SYT2: variants seen among roughly 807,000 people sequenced by gnomAD.
SYT2 encodes synaptotagmin-2.
SYT2 carries 15 observed loss-of-function variants against 39.9 expected under a neutral mutation model. That is an observed-to-expected ratio of 0.38 (90% confidence interval 0.25 to 0.58). The LOEUF is 0.58. SYT2 is among the 20% of genes least tolerant of loss of function. The pLI is 0.70. For missense variants in SYT2, 389 were observed against 530.3 expected (o/e 0.73, Z 2.62); for synonymous variants, 181 against 204.5 (o/e 0.89, Z 0.98).
chr1:202,662,110 C>A (rs996560208), intron 1 of SYT2, among the ~76,000 whole-genome samples: 1 of 152,136 alleles, frequency 6.6e-6, no homozygotes, highest in African/African-American at 2.4e-5. Context: ...GCCACGGGAC[C>A]CTCTGAGCAG....
chr1:202,637,981 T>A (rs1691788349), intron 1 of SYT2, among the ~76,000 whole-genome samples: 1 of 152,236 alleles, frequency 6.6e-6, no homozygotes, highest in Non-Finnish European at 1.5e-5. Context: ...TCCCAAGGTT[T>A]TCCACCTAGC....
chr1:202,600,256 G>T, intron 7 of SYT2, 101 bp downstream of exon 7: 2 of 950,008 alleles, frequency 2.1e-6, no homozygotes, highest in Non-Finnish European at 1.7e-6. Flanking sequence ...CAGTCCCAGG[G>T]CAGCAAAGTG....
intron 1 of SYT2, among the ~76,000 whole-genome samples, chr1:202,644,588 C>T (rs1185005014): frequency 6.6e-6 from 1 of 152,104 alleles, no homozygotes; most frequent in African/African-American, 2.4e-5. Flanking sequence ...TCAGCCTCTC[C>T]TTCACCCTCC....
At chr1:202,633,478 C>T (rs1274007434) in intron 1 of SYT2, among the ~76,000 whole-genome samples, 1 of 152,102 alleles carries the variant, frequency 6.6e-6, no homozygotes, top group Non-Finnish European at 1.5e-5. Flanking sequence ...AGGGTGGGTC[C>T]TCCCCTCTCC....
Position 202,683,464 on chromosome 1 carries a change from G to A in SYT2, c.-18+26794C>T, listed in dbSNP as rs140526296. Among the ~76,000 whole-genome samples the A allele has an allele frequency of 7.8e-4, 119 of 152,316 alleles. 1 individual carries two copies. The East Asian group carries it at 0.013, about 16-fold the overall frequency. On this transcript the variant is annotated intron_variant, in intron 1 of 8. Coordinates refer to ENST00000367268, the MANE Select transcript of SYT2 (RefSeq NM_177402.5). ...CACAAAAGAGTGTATACTGGCGAAT[G>A]TGGTGGCTCTCGCCTGTAATCCCAG...
chr1:202,637,290 T>G (rs1397910815), intron 1 of SYT2, among the ~76,000 whole-genome samples: 1 of 152,150 alleles, frequency 6.6e-6, no homozygotes, highest in African/African-American at 2.4e-5. Flanking sequence ...AAGTTGAGGC[T>G]GCAGTGAGCC....
chr1:202,617,965 C>T (rs1222574589), intron 1 of SYT2, among the ~76,000 whole-genome samples: 2 of 152,080 alleles, frequency 1.3e-5, no homozygotes, highest in Non-Finnish European at 1.5e-5. Context: ...TGCAGTGGCA[C>T]GATCTTGGCT....
At chr1:202,657,253 A>G (rs979142922) in intron 1 of SYT2, among the ~76,000 whole-genome samples, 1 of 152,180 alleles carries the variant, frequency 6.6e-6, no homozygotes, top group African/African-American at 2.4e-5. Context: ...ACACCCACAC[A>G]AGAGCCACGT....
At chr1:202,699,862 C>T (rs573460066) in intron 1 of SYT2, among the ~76,000 whole-genome samples, 26 of 151,986 alleles carry the variant, frequency 1.7e-4, no homozygotes, top group Admixed American at 2.6e-4. Context: ...CCTTGATCAC[C>T]GTTGAGTTGA....
intron 1 of SYT2, among the ~76,000 whole-genome samples, chr1:202,656,132 A>G (rs1290027600): frequency 6.6e-6 from 1 of 152,120 alleles, no homozygotes. Context: ...GAACGCACAC[A>G]CACACACACA....
chr1:202,641,989 C>T lies in SYT2; in HGVS notation c.-17-36200G>A, dbSNP rs569714319. Among the ~76,000 whole-genome samples the T allele has an allele frequency of 3.9e-4, 58 of 149,890 alleles. No homozygotes were observed. The East Asian group carries it at 0.012, about 32-fold the overall frequency. ...TGGGATGGGGGGTGCAGTAGGGGAGCTACAGTCTTCCCAGAGGATAGGTCA... is the reference window on the plus strand; with the variant it reads ...TGGGATGGGGGGTGCAGTAGGGGAGTTACAGTCTTCCCAGAGGATAGGTCA... On this transcript the variant is annotated intron_variant, in intron 1 of 8. Coordinates refer to ENST00000367268, the MANE Select transcript of SYT2 (RefSeq NM_177402.5).
At chr1:202,610,405 A>G (rs1690854206) in intron 1 of SYT2, among the ~76,000 whole-genome samples, 2 of 152,142 alleles carry the variant, frequency 1.3e-5, no homozygotes, top group Non-Finnish European at 2.9e-5. Flanking sequence ...CCCTTTGAAA[A>G]CTGGCACAAG....
At chr1:202,625,383 AGTGTGTGTG>A (rs1691369686) in intron 1 of SYT2, among the ~76,000 whole-genome samples, 1 of 3,740 alleles carries the variant, frequency 2.7e-4, no homozygotes, top group African/African-American at 9.4e-4. Flanking sequence ...GTGTGTGTGT[AGTGTGTGTG>A]GTGTGTAGTA....
intron 1 of SYT2, among the ~76,000 whole-genome samples, chr1:202,625,116 GTAT>G (rs1691349717): frequency 1.1e-3 from 1 of 880 alleles, no homozygotes; most frequent in Non-Finnish European, 3.7e-3. Context: ...GGTGTGTGTG[GTAT>G]GTGTGTCGTG....
chr1:202,703,513 G>A (rs1337819862), intron 1 of SYT2, among the ~76,000 whole-genome samples: 2 of 152,050 alleles, frequency 1.3e-5, no homozygotes, highest in African/African-American at 4.8e-5. Flanking sequence ...CTCCACAGCT[G>A]AGCAGGAAAC....
intron 1 of SYT2, among the ~76,000 whole-genome samples, chr1:202,705,974 TGA>T (rs1345799938): frequency 6.6e-6 from 1 of 152,100 alleles, no homozygotes; most frequent in Admixed American, 6.5e-5. Context: ...ATTACAGGTG[TGA>T]GCCACTGCAC....
intron 1 of SYT2, among the ~76,000 whole-genome samples, chr1:202,654,282 C>T (rs546604215): frequency 3.3e-5 from 5 of 152,206 alleles, no homozygotes; most frequent in African/African-American, 7.2e-5. Flanking sequence ...TTCACAGTCA[C>T]GTGACCCAAG....
Position 202,605,670 on chromosome 1 carries a change from C to T in SYT2, c.103G>A (p.Gly35Ser). 2 of 1,614,030 alleles carry T rather than the reference C, an allele frequency of 1.2e-6. No homozygotes were observed. The highest frequency in any genetic ancestry group is 1.7e-5 in the Admixed American group (1 of 60,022). The change falls in exon 2 of 9, where the codon GGT becomes AGT. Residue 35 changes from glycine to serine, a missense_variant. By Grantham distance (56) the Gly-to-Ser change is moderately conservative. Transcript: ENST00000367268. Reference protein sequence around the residue: ...GPVDNSTESGGAGESQEDMFA... With the variant: ...GPVDNSTESGSAGESQEDMFA... ...ATGTCCTCCTGGCTCTCCCCAGCACCCCCACTCTCAGTGGAGTTGTCCACG... is the reference window on the plus strand; with the variant it reads ...ATGTCCTCCTGGCTCTCCCCAGCACTCCCACTCTCAGTGGAGTTGTCCACG...
chr1:202,670,580 T>G (rs1431062405), intron 1 of SYT2, among the ~76,000 whole-genome samples: 1 of 152,284 alleles, frequency 6.6e-6, no homozygotes, highest in South Asian at 2.1e-4. Context: ...AAATCAAGAT[T>G]AATGAAGTTC....
Sources: gnomAD v4.1 joint callset for allele counts (sites outside exome capture counted in the v4.1 genomes callset) on GRCh38, gnomAD v4.1.1 for gene constraint, MANE v1.5 for transcripts, NCBI Gene and HGNC (gene_info 2026-07-23, HGNC 2026-07-21) for gene names.